The following UPP2 variants were observed in gnomAD, a reference collection of about 807,000 sequenced individuals.
UPP2 encodes the protein UPase 2.
UPP2 carries 23 observed loss-of-function variants against 26.7 expected under a neutral mutation model. The observed-to-expected ratio is 0.86, with a 90% CI of 0.62 to 1.22. The LOEUF (loss-of-function observed/expected upper bound fraction) is 1.22. UPP2 is among the 50% of genes most tolerant of loss of function. UPP2 has a pLI of 0.00. For synonymous variants in UPP2, 127 were observed against 141.3 expected, an observed-to-expected ratio of 0.90 and a Z score of 0.72; for missense variants, 387 against 396.7, an observed-to-expected ratio of 0.98 and a Z score of 0.21.
intron 3 of UPP2, among the ~76,000 whole-genome samples, chr2:158,094,453 TAA>T (rs1191727313): frequency 6.6e-6 from 1 of 152,168 alleles, no homozygotes; most frequent in Non-Finnish European, 1.5e-5. Context: ...AAAAACCAAG[TAA>T]AGTGTTCAAA....
chr2:158,041,142 T>C (rs1026805291), intron 3 of UPP2, among the ~76,000 whole-genome samples: 1 of 152,162 alleles, frequency 6.6e-6, no homozygotes, highest in Non-Finnish European at 1.5e-5. Flanking sequence ...CAAGGATAGC[T>C]GATACTTTAA....
In UPP2 at chr2:158,049,976, T is replaced by C. The variant is rs145558845; in HGVS notation, c.147+34090T>C. On this transcript the variant is annotated intron_variant, in intron 3 of 9. Coordinates refer to the UPP2 transcript ENST00000605860. Reference sequence around the variant, plus strand: ...TTACCATTTGAAATAAAAATCCCCTTGAATTTAAGCTTTTTTTCTTCACTG... The same window carrying C: ...TTACCATTTGAAATAAAAATCCCCTCGAATTTAAGCTTTTTTTCTTCACTG... Among the ~76,000 whole-genome samples, 564 of 152,336 alleles carry C rather than the reference T, an allele frequency of 3.7e-3. 2 individuals carry two copies. The highest frequency in any genetic ancestry group is 0.013 in the African/African-American group (535 of 41,582).
intron 2 of UPP2, among the ~76,000 whole-genome samples, chr2:158,009,974 A>G (rs1417635416): frequency 6.6e-6 from 1 of 152,262 alleles, no homozygotes; most frequent in Non-Finnish European, 1.5e-5. Context: ...CAAGGGGGGA[A>G]AAATGAGGTC....
intron 3 of UPP2, among the ~76,000 whole-genome samples, chr2:158,066,818 G>A (rs953758920): frequency 1.3e-5 from 2 of 152,032 alleles, no homozygotes; most frequent in Admixed American, 6.6e-5. Context: ...AACTTCACAG[G>A]CAGGGACTGA....
intron 3 of UPP2, among the ~76,000 whole-genome samples, chr2:158,093,271 T>TACACACACACACACACACAC (rs57028617): frequency 5.8e-5 from 8 of 137,518 alleles, no homozygotes; most frequent in South Asian, 4.7e-4. Flanking sequence ...AAAAGAAACA[T>TACACACACACACACACACAC]ACACACACAC....
rs369349864 is a variant in UPP2, at chr2:158,045,175, A to C, written c.147+29289A>C. ...CTTAGATGACAGGAGGAATTTTCAA[A>C]ATCCCTTTTAGAATTTCAGGAACTA... On this transcript the variant is annotated intron_variant, in intron 3 of 9. Transcript: ENST00000605860. 3.7e-4 allele frequency among the ~76,000 whole-genome samples: 57 copies of C among 152,206 alleles called. 1 individual carries two copies. The South Asian group carries it at 0.012, about 31-fold the overall frequency.
chr2:158,099,711 T>C (rs887134853), upstream of UPP2, among the ~76,000 whole-genome samples: 4 of 152,168 alleles, frequency 2.6e-5, no homozygotes, highest in African/African-American at 9.7e-5. Context: ...AGACTGTGCT[T>C]TCTTTTTCTA....
intron 2 of UPP2, among the ~76,000 whole-genome samples, chr2:158,002,752 GA>G (rs766197547): frequency 6.6e-6 from 1 of 152,094 alleles, no homozygotes; most frequent in Admixed American, 6.6e-5. Context: ...TGTAAGGATG[GA>G]AAAAAATAGA....
At position 158,000,274 on chromosome 2, in the gene UPP2, T is replaced by C. The variant is rs188736367; in HGVS notation, c.61+5015T>C. Reference sequence around the variant, plus strand: ...CTCTTTTTCCTGCTTTTGGTAGTTTTCTCACACGCATGGGCTGATCACTGC... The same window carrying C: ...CTCTTTTTCCTGCTTTTGGTAGTTTCCTCACACGCATGGGCTGATCACTGC... On this transcript the variant is annotated intron_variant, in intron 2 of 9. Coordinates refer to the UPP2 transcript ENST00000605860. 2.4e-3 allele frequency among the ~76,000 whole-genome samples: 372 copies of C among 152,280 alleles called. 6 individuals carry two copies. Among genetic ancestry groups the C allele is most frequent in the East Asian group, 6.9e-3 (36 of 5,180 alleles).
At chr2:157,998,470 G>C (rs1180683540) in intron 2 of UPP2, among the ~76,000 whole-genome samples, 2 of 152,144 alleles carry the variant, frequency 1.3e-5, no homozygotes, top group Admixed American at 6.6e-5. Context: ...ATTTGATTAT[G>C]ATGTGCCTTG....
At chr2:158,052,150 C>T (rs1362531300) in intron 3 of UPP2, among the ~76,000 whole-genome samples, 1 of 152,164 alleles carries the variant, frequency 6.6e-6, no homozygotes, top group African/African-American at 2.4e-5. Context: ...GTTTATCTGA[C>T]AGTCAAATTC....
At chr2:158,015,739 T>A (rs535520352) in intron 2 of UPP2, 27 of 450,600 alleles carry the variant, frequency 6.0e-5, no homozygotes, top group African/African-American at 4.4e-4. Flanking sequence ...TTTGGTTGTT[T>A]GAAAGTGTGT....
At chr2:157,998,822 A>AAATAG (rs1419117569) in intron 2 of UPP2, among the ~76,000 whole-genome samples, 1 of 152,182 alleles carries the variant, frequency 6.6e-6, no homozygotes, top group African/African-American at 2.4e-5. Context: ...AAATAAAATA[A>AAATAG]AAATAAATAA....
At chr2:158,098,376 C>G (rs1683020547), upstream of UPP2, among the ~76,000 whole-genome samples, 1 of 152,062 alleles carries the variant, frequency 6.6e-6, no homozygotes, top group South Asian at 2.1e-4. Context: ...TTGTGATTCT[C>G]TAGGAGAATT....
intron 6 of UPP2, among the ~76,000 whole-genome samples, chr2:158,134,496 G>T (rs1414532655): frequency 1.3e-5 from 2 of 152,166 alleles, no homozygotes; most frequent in East Asian, 3.8e-4. Context: ...CCTTAATCTA[G>T]TCAATTGTGG....
At chr2:158,019,350 T>G (rs191688990) in intron 3 of UPP2, among the ~76,000 whole-genome samples, 1 of 151,990 alleles carries the variant, frequency 6.6e-6, no homozygotes, top group African/African-American at 2.4e-5. Context: ...CCTGGAGAGA[T>G]ATACAGATCC....
chr2:158,064,990 C>T lies in UPP2; in HGVS notation c.148-37050C>T, dbSNP rs762503192. Among the ~76,000 whole-genome samples, 3 of 152,214 alleles carry T rather than the reference C, an allele frequency of 2.0e-5. No homozygotes were observed. In the Middle Eastern group the frequency reaches 0.01, roughly 518 times the overall value. ...TACCATGCTGTTTTGGTTACTGTAG[C>T]CTTGTAGTATAGTTTGAAGTCAGGT... On this transcript the variant is annotated intron_variant, in intron 3 of 9. Transcript: ENST00000605860.
At chr2:158,129,219 G>A (rs1475507368) in intron 6 of UPP2, among the ~76,000 whole-genome samples, 3 of 151,952 alleles carry the variant, frequency 2.0e-5, no homozygotes, top group Non-Finnish European at 4.4e-5. Context: ...TATGACCCCA[G>A]GGAGGCTATC....
At chr2:157,997,835 C>G (rs995275151) in intron 2 of UPP2, among the ~76,000 whole-genome samples, 2 of 152,188 alleles carry the variant, frequency 1.3e-5, no homozygotes, top group Admixed American at 1.3e-4. Flanking sequence ...TTAAGATGCA[C>G]TACAATCACC....
Sources: gnomAD v4.1 joint callset for allele counts (sites outside exome capture counted in the v4.1 genomes callset) on GRCh38, gnomAD v4.1.1 for gene constraint, MANE v1.5 for transcripts, NCBI Gene and HGNC (gene_info 2026-07-23, HGNC 2026-07-21) for gene names.